The following PHACTR3 variants were observed in gnomAD, a reference collection of about 807,000 sequenced individuals.
PHACTR3 encodes protein phosphatase 1, regulatory subunit 123.
Under a neutral mutation model 66.8 loss-of-function variants are expected in PHACTR3, and 16 were observed. The ratio of observed to expected loss-of-function variants is 0.24; its 90% CI spans 0.16 to 0.36. PHACTR3 has a LOEUF of 0.36. Ranked by LOEUF, PHACTR3 falls within the 10% of genes least tolerant of loss-of-function variation. PHACTR3 has a pLI of 1.00. For synonymous variants in PHACTR3, 323 were observed against 292.1 expected, an observed-to-expected ratio of 1.11 and a Z score of -1.08; for missense variants, 647 against 719.9, an observed-to-expected ratio of 0.90 and a Z score of 1.16.
chr20:59,785,842 G>C (rs149287112), intron 7 of PHACTR3, among the ~76,000 whole-genome samples: 1 of 119,038 alleles, frequency 8.4e-6, no homozygotes, highest in African/African-American at 3.1e-5. Context: ...TTGTTTTCCA[G>C]CAGCCCTCTG....
intron 1 of PHACTR3, among the ~76,000 whole-genome samples, chr20:59,630,429 C>A (rs372851846): frequency 3.9e-5 from 6 of 152,164 alleles, no homozygotes; most frequent in Non-Finnish European, 7.3e-5. Context: ...GTGATCCGCC[C>A]GCCTAGGCCT....
chr20:59,713,480 T>C (rs2037977984), intron 1 of PHACTR3, among the ~76,000 whole-genome samples: 1 of 152,208 alleles, frequency 6.6e-6, no homozygotes. Flanking sequence ...TAGTTTTACT[T>C]GTTTTTGAGT....
chr20:59,828,759 G>T (rs1268027597), intron 8 of PHACTR3, among the ~76,000 whole-genome samples: 1 of 152,096 alleles, frequency 6.6e-6, no homozygotes, highest in Admixed American at 6.5e-5. Flanking sequence ...AAACTGAAAG[G>T]CTTTGCTGAG....
At chr20:59,579,615 G>A (rs2032805498) in intron 1 of PHACTR3, among the ~76,000 whole-genome samples, 1 of 152,246 alleles carries the variant, frequency 6.6e-6, no homozygotes, top group Non-Finnish European at 1.5e-5. Flanking sequence ...GAGGCCAATG[G>A]CAGGTTCTAG....
At chr20:59,676,424 C>G (rs537412540) in intron 1 of PHACTR3, among the ~76,000 whole-genome samples, 1 of 152,180 alleles carries the variant, frequency 6.6e-6, no homozygotes, top group Admixed American at 6.5e-5. Flanking sequence ...TCCACTGAGC[C>G]GGACCCTCAG....
chr20:59,775,084 CCCAT>C (rs773189167), intron 7 of PHACTR3, among the ~76,000 whole-genome samples: 92,592 of 151,604 alleles, frequency 0.61, 30,061 homozygotes, highest in Non-Finnish European at 0.71. Flanking sequence ...GGTGCGTTCT[CCCAT>C]GAGGTAATTG....
chr20:59,757,661 A>G (rs2039849447), intron 4 of PHACTR3, among the ~76,000 whole-genome samples: 1 of 152,168 alleles, frequency 6.6e-6, no homozygotes, highest in South Asian at 2.1e-4. Flanking sequence ...GTGATTAAAA[A>G]CAATCCAGGG....
intron 1 of PHACTR3, among the ~76,000 whole-genome samples, chr20:59,712,943 T>A (rs79355500): frequency 1.3e-3 from 195 of 152,360 alleles, no homozygotes; most frequent in African/African-American, 4.4e-3. Context: ...CCAAAAACAT[T>A]ATCATTCTAA....
chr20:59,699,032 A>G (rs2037398104), intron 1 of PHACTR3, among the ~76,000 whole-genome samples: 1 of 152,184 alleles, frequency 6.6e-6, no homozygotes, highest in Non-Finnish European at 1.5e-5. Context: ...AGCTATGAAA[A>G]CATCAGCAAA....
At chr20:59,780,750 A>G (rs2040697237) in intron 7 of PHACTR3, among the ~76,000 whole-genome samples, 1 of 152,068 alleles carries the variant, frequency 6.6e-6, no homozygotes, top group South Asian at 2.1e-4. Flanking sequence ...GCAGGATTTG[A>G]CCACCCCACG....
intron 1 of PHACTR3, among the ~76,000 whole-genome samples, chr20:59,669,614 T>C (rs1197506336): frequency 1.3e-5 from 2 of 152,222 alleles, no homozygotes; most frequent in African/African-American, 2.4e-5. Flanking sequence ...CCTGTGTCCA[T>C]TAGGAATCAC....
chr20:59,745,465 T>TCCCCA (rs149321844), intron 2 of PHACTR3, among the ~76,000 whole-genome samples: 4,298 of 152,268 alleles, frequency 0.028, 193 homozygotes, highest in African/African-American at 0.096. Context: ...ACCTGCAGCA[T>TCCCCA]CCCCACCTTC....
intron 7 of PHACTR3, among the ~76,000 whole-genome samples, chr20:59,804,005 G>A (rs1008727445): frequency 4.6e-5 from 7 of 152,188 alleles, no homozygotes; most frequent in African/African-American, 7.2e-5. Context: ...GGGAAGGCAT[G>A]CTCATTTAGA....
chr20:59,583,038 A>G (rs2032908001), intron 1 of PHACTR3, among the ~76,000 whole-genome samples: 1 of 152,098 alleles, frequency 6.6e-6, no homozygotes, highest in African/African-American at 2.4e-5. Flanking sequence ...TTTAGCTCTG[A>G]AAGTCCTGCA....
intron 1 of PHACTR3, among the ~76,000 whole-genome samples, chr20:59,674,480 C>T (rs113192948): frequency 0.036 from 3,549 of 97,670 alleles, 281 homozygotes; most frequent in African/African-American, 0.14. Context: ...CCTGTTCCCC[C>T]TTGTTCTCGT....
At chr20:59,684,837 T>G (rs919148958) in intron 1 of PHACTR3, among the ~76,000 whole-genome samples, 1 of 152,244 alleles carries the variant, frequency 6.6e-6, no homozygotes, top group Non-Finnish European at 1.5e-5. Context: ...AAGAATCTGC[T>G]GCTGAACACA....
intron 4 of PHACTR3, among the ~76,000 whole-genome samples, chr20:59,758,704 G>A (rs2039893841): frequency 6.6e-6 from 1 of 152,128 alleles, no homozygotes; most frequent in Non-Finnish European, 1.5e-5. Flanking sequence ...CACAAAAGTC[G>A]AATAACTGGT....
chr20:59,620,306 A>G (rs920302512), intron 1 of PHACTR3, among the ~76,000 whole-genome samples: 1 of 152,244 alleles, frequency 6.6e-6, no homozygotes, highest in Non-Finnish European at 1.5e-5. Context: ...AAGTCATCAA[A>G]AAGAAGAAAT....
rs6128681 is a variant in PHACTR3, at chr20:59,757,307, C to T, written c.541+1943C>T. Reference sequence around the variant, plus strand: ...CAGTGCCCTCTTCTGACCTCAGACACGCTCCCGCTCTCTCTCCAGATGCTG... The same window carrying T: ...CAGTGCCCTCTTCTGACCTCAGACATGCTCCCGCTCTCTCTCCAGATGCTG... On this transcript the variant is annotated intron_variant, in intron 4 of 12. Coordinates refer to ENST00000371015, the MANE Select transcript of PHACTR3 (RefSeq NM_080672.5). Among the ~76,000 whole-genome samples, 64 of 152,350 alleles carry T rather than the reference C, an allele frequency of 4.2e-4. 1 individual carries two copies. In the East Asian group the frequency reaches 0.011, roughly 27 times the overall value.
Sources: allele counts gnomAD v4.1 joint callset (sites outside exome capture counted in the v4.1 genomes callset), GRCh38; gene constraint gnomAD v4.1.1; transcripts MANE v1.5; gene names NCBI Gene and HGNC (gene_info 2026-07-23, HGNC 2026-07-21).